Variants in DNAH8 observed in about 807,000 individuals in gnomAD.
The protein encoded by DNAH8 is dynein axonemal heavy chain 8.
Under a neutral mutation model 562.1 loss-of-function variants are expected in DNAH8, and 382 were observed. The observed-to-expected ratio is 0.68, with a 90% confidence interval of 0.63 to 0.74. The LOEUF (loss-of-function observed/expected upper bound fraction) is 0.74, where lower values mean the gene tolerates loss of function less well. DNAH8 is among the 30% of genes least tolerant of loss of function. DNAH8 has a pLI of 0.00. For missense variants in DNAH8, 5,203 were observed against 5,620.4 expected (o/e 0.93, Z 2.37); for synonymous variants, 1,881 against 1,919.4 (o/e 0.98, Z 0.52).
chr6:38,958,607 A>G (rs1031281985), intron 82 of DNAH8, among the ~76,000 whole-genome samples: 1 of 149,536 alleles, frequency 6.7e-6, no homozygotes, highest in Admixed American at 6.6e-5. Context: ...AATAGCCAAT[A>G]ATGAGTAATG....
intron 37 of DNAH8, 56 bp from the exon 38 acceptor site, chr6:38,850,195 T>C: frequency 1.9e-6 from 3 of 1,544,242 alleles, no homozygotes; most frequent in South Asian, 1.2e-5. Context: ...GTGAAGACTT[T>C]GCTTTTTTTC....
At chr6:39,006,587 G>A (rs1765810436) in intron 88 of DNAH8, among the ~76,000 whole-genome samples, 1 of 152,124 alleles carries the variant, frequency 6.6e-6, no homozygotes, top group African/African-American at 2.4e-5. Flanking sequence ...TGGATTATTT[G>A]AGACCTGAGT....
intron 82 of DNAH8, among the ~76,000 whole-genome samples, chr6:38,971,331 T>C (rs1290603317): frequency 6.6e-6 from 1 of 152,098 alleles, no homozygotes; most frequent in African/African-American, 2.4e-5. Context: ...TCTCAAACTC[T>C]CTAAAAGCCC....
intron 62 of DNAH8, among the ~76,000 whole-genome samples, chr6:38,903,184 A>G (rs1389346688): frequency 6.6e-6 from 1 of 152,148 alleles, no homozygotes; most frequent in Non-Finnish European, 1.5e-5. Context: ...CATTGCTATG[A>G]ATACCTGAGG....
chr6:38,945,358 T>G, intron 79 of DNAH8, 109 bp from the exon 80 acceptor site: 1 of 1,168,242 alleles, frequency 8.6e-7, no homozygotes, highest in South Asian at 1.5e-5. Context: ...TTTCCAATTT[T>G]CCTATATTTT....
At chr6:38,901,192 T>G (rs1780054211) in intron 62 of DNAH8, among the ~76,000 whole-genome samples, 1 of 152,196 alleles carries the variant, frequency 6.6e-6, no homozygotes, top group Non-Finnish European at 1.5e-5. Flanking sequence ...GGATCTTAAT[T>G]TTAATGAAAC....
At chr6:38,977,562 T>G (rs547675848) in intron 85 of DNAH8, among the ~76,000 whole-genome samples, 7 of 152,268 alleles carry the variant, frequency 4.6e-5, no homozygotes, top group African/African-American at 1.7e-4. Flanking sequence ...GCCTCGGTAT[T>G]CTGTCTCTGT....
chr6:38,884,499 G>A (rs899139907), intron 56 of DNAH8, among the ~76,000 whole-genome samples: 7 of 152,100 alleles, frequency 4.6e-5, no homozygotes, highest in African/African-American at 1.7e-4. Flanking sequence ...TCACCATGTT[G>A]GCCAGGCTGG....
At position 38,737,276 on chromosome 6, in the gene DNAH8, TTTA is replaced by T. The variant is rs1431082323; in HGVS notation, c.952+21_952+23del. ...TAGATGGTAAGTATAAAATTTAATG[TTTA>T]GCAAATTGCAAAAAAGAAGCAAATT... On this transcript the variant is annotated intron_variant, in intron 6 of 92. Coordinates refer to ENST00000327475, the MANE Select transcript of DNAH8 (RefSeq NM_001206927.2). The T allele has an allele frequency of 7.3e-7, 1 of 1,363,528 alleles. No individual in the cohort carries two copies. Among genetic ancestry groups the T allele is most frequent in the Non-Finnish European group, 9.6e-7 (1 of 1,042,142 alleles). 84.5% of individuals were successfully genotyped at this position (1,363,528 alleles called of 1,614,324 possible). A position where few individuals can be genotyped will look rare whatever the true frequency, so the allele number is the denominator to read the frequency against.
chr6:39,027,211 G>T (rs936730955), intron 92 of DNAH8, among the ~76,000 whole-genome samples: 1 of 152,128 alleles, frequency 6.6e-6, no homozygotes, highest in Non-Finnish European at 1.5e-5. Context: ...CTCCAGCCTG[G>T]GTGACAGAGT....
intron 36 of DNAH8, 21 bp downstream of exon 36, chr6:38,845,794 A>G (rs1583168685): frequency 2.5e-6 from 4 of 1,583,320 alleles, no homozygotes; most frequent in African/African-American, 1.3e-5. Flanking sequence ...AATTTGAGAG[A>G]GAGATTTAAA....
Position 38,989,561 on chromosome 6 carries a change from T to C in DNAH8, c.13054-451T>C, listed in dbSNP as rs139794001. On this transcript the variant is annotated intron_variant, in intron 87 of 92. Coordinates refer to ENST00000327475, the MANE Select transcript of DNAH8 (RefSeq NM_001206927.2). The stretch of plus-strand genomic sequence containing the variant: ...AGCTCTCCTGGCCGTGTGCTGGGGC[T>C]CATTGCTGTGTGAGTGAAACTGCGC... Among the ~76,000 whole-genome samples the C allele has an allele frequency of 8.0e-3, 1,211 of 152,294 alleles. 24 individuals are homozygous for C. Among genetic ancestry groups the C allele is most frequent in the Middle Eastern group, 0.02 (6 of 294 alleles).
Position 38,872,551 on chromosome 6 carries a change from T to C in DNAH8, c.7006T>C (p.Leu2336=). ...AATTGTGTAGTTATATGAGACGTCT[T>C]TGGTACGGCATGGCTTGATGACTCT... The part of the protein sequence containing the change: ...LKLVQLYETS[L]VRHGLMTLGP... The change falls in exon 50 of 93, where the codon TTG becomes CTG. Residue 2336 remains leucine, a synonymous_variant. Coordinates refer to ENST00000327475, the MANE Select transcript of DNAH8 (RefSeq NM_001206927.2). The C allele has an allele frequency of 1.9e-6, 3 of 1,614,052 alleles. No individual in the cohort carries two copies. The highest frequency in any genetic ancestry group is 2.5e-6 in the Non-Finnish European group (3 of 1,179,916).
At chr6:38,898,960 C>T (rs1341373138) in intron 61 of DNAH8, among the ~76,000 whole-genome samples, 1 of 152,108 alleles carries the variant, frequency 6.6e-6, no homozygotes, top group Non-Finnish European at 1.5e-5. Context: ...AGTGCAAAGC[C>T]ATAAGTGATT....
chr6:38,909,913 G>A (rs189242634), intron 65 of DNAH8, among the ~76,000 whole-genome samples, 169 bp downstream of exon 65: 542 of 152,296 alleles, frequency 3.6e-3, no homozygotes, highest in Non-Finnish European at 6.3e-3. Flanking sequence ...GAGATGGCAA[G>A]TAAACAAGAT....
At chr6:38,878,853 A>G (rs1778229188) in intron 53 of DNAH8, among the ~76,000 whole-genome samples, 1 of 152,186 alleles carries the variant, frequency 6.6e-6, no homozygotes, top group Admixed American at 6.5e-5. Flanking sequence ...AATTTCAAAT[A>G]TTTTCAACAC....
chr6:38,904,015 C>T (rs1484294159), intron 62 of DNAH8, among the ~76,000 whole-genome samples: 2 of 152,196 alleles, frequency 1.3e-5, no homozygotes, highest in Non-Finnish European at 2.9e-5. Context: ...TGCTTGTTCA[C>T]ATACATTTCT....
chr6:38,830,788 G>A (rs916618244), intron 30 of DNAH8, among the ~76,000 whole-genome samples: 9 of 151,988 alleles, frequency 5.9e-5, no homozygotes, highest in African/African-American at 1.9e-4. Context: ...AGACATAACA[G>A]CAAGGAGACA....
At chr6:38,929,206 T>C (rs115629817) in intron 74 of DNAH8, 2,256 of 202,106 alleles carry the variant, frequency 0.011, 30 homozygotes, top group South Asian at 0.04. Context: ...TTTGAAAGGA[T>C]TAATCCTTGA....
Sources: allele counts gnomAD v4.1 joint callset (sites outside exome capture counted in the v4.1 genomes callset), GRCh38; gene constraint gnomAD v4.1.1; transcripts MANE v1.5; gene names NCBI Gene and HGNC (gene_info 2026-07-23, HGNC 2026-07-21).